Variants in LEF1 observed in about 807,000 individuals in gnomAD.
LEF1 encodes lymphoid enhancer binding factor 1.
LEF1 carries 14 observed loss-of-function variants against 51.2 expected under a neutral mutation model. The ratio of observed to expected loss-of-function variants is 0.27; its 90% confidence interval spans 0.18 to 0.43. The LOEUF (loss-of-function observed/expected upper bound fraction) is 0.43. Among genes scored for constraint, LEF1 ranks in the 20% least tolerant of loss-of-function variants. The probability of loss-of-function intolerance (pLI) is 1.00; values close to 1 mark genes in which losing one functional copy is unlikely to be tolerated. For missense variants in LEF1, 386 were observed against 512.0 expected, an observed-to-expected ratio of 0.75 and a Z score of 2.37; for synonymous variants, 185 against 183.2, an observed-to-expected ratio of 1.01 and a Z score of -0.08.
chr4:108,131,503 T>C (rs1742894465), intron 3 of LEF1, among the ~76,000 whole-genome samples: 1 of 151,792 alleles, frequency 6.6e-6, no homozygotes, highest in Admixed American at 6.6e-5. Flanking sequence ...TCACTGGACA[T>C]AATTTTGGCT....
intron 3 of LEF1, among the ~76,000 whole-genome samples, chr4:108,107,178 T>C (rs1000289568): frequency 6.6e-5 from 10 of 152,202 alleles, no homozygotes; most frequent in Admixed American, 1.3e-4. Context: ...CACGAATATA[T>C]GGACCCATGC....
chr4:108,143,474 T>C (rs1202998133), intron 3 of LEF1, among the ~76,000 whole-genome samples: 1 of 152,228 alleles, frequency 6.6e-6, no homozygotes, highest in African/African-American at 2.4e-5. Context: ...TTAATAAGCT[T>C]ATCACATTTT....
chr4:108,137,556 G>A (rs1743377070), intron 3 of LEF1, among the ~76,000 whole-genome samples: 1 of 152,188 alleles, frequency 6.6e-6, no homozygotes, highest in East Asian at 1.9e-4. Context: ...GAGGCTGTGT[G>A]TGCTGGGGGG....
At chr4:108,119,966 G>T (rs1742059106) in intron 3 of LEF1, among the ~76,000 whole-genome samples, 1 of 151,138 alleles carries the variant, frequency 6.6e-6, no homozygotes, top group South Asian at 2.1e-4. Context: ...ATAGGAAGTT[G>T]TACCATTATA....
At chr4:108,124,870 A>G (rs1742422679) in intron 3 of LEF1, among the ~76,000 whole-genome samples, 1 of 152,046 alleles carries the variant, frequency 6.6e-6, no homozygotes, top group Admixed American at 6.6e-5. Context: ...ATTTTCTAAC[A>G]CTCCTTTCTA....
intron 11 of LEF1, among the ~76,000 whole-genome samples, chr4:108,055,634 A>G (rs1409068234): frequency 6.6e-6 from 1 of 152,216 alleles, no homozygotes; most frequent in African/African-American, 2.4e-5. Context: ...CATTGATCTT[A>G]ATTCCATTTG....
Position 108,080,252 on chromosome 4 carries a change from A to T in LEF1, c.723-638T>A, listed in dbSNP as rs182968372. 2.1e-4 allele frequency among the ~76,000 whole-genome samples: 32 copies of T among 152,284 alleles called. 1 individual carries two copies. Among genetic ancestry groups the T allele is most frequent in the Admixed American group, 2.0e-3 (31 of 15,298 alleles). On this transcript the variant is annotated intron_variant, in intron 6 of 11. Coordinates refer to ENST00000265165, the MANE Select transcript of LEF1 (RefSeq NM_016269.5). ...TTCCCAAGTACGCTTGAACAGCATT[A>T]AAAAAAATCTTAAAATATCCACCAC...
chr4:108,166,923 C>G (rs1267670540), intron 1 of LEF1: 1 of 661,034 alleles, frequency 1.5e-6, no homozygotes, highest in South Asian at 6.8e-5. Context: ...AGCCCAGGCG[C>G]TGGGGCCGCA....
chr4:108,163,503 T>C (rs1482622804), intron 3 of LEF1, 65 bp downstream of exon 3: 24 of 1,546,662 alleles, frequency 1.6e-5, no homozygotes, highest in Non-Finnish European at 2.0e-5. Flanking sequence ...AAAATAAACA[T>C]TCTGCCAAAA....
At chr4:108,080,827 C>T (rs1303995925) in intron 6 of LEF1, among the ~76,000 whole-genome samples, 1 of 152,156 alleles carries the variant, frequency 6.6e-6, no homozygotes, top group Non-Finnish European at 1.5e-5. Context: ...CAGTTAATAA[C>T]CCACCAGTTT....
At chr4:108,135,917 A>G (rs1012667552) in intron 3 of LEF1, among the ~76,000 whole-genome samples, 18 of 152,322 alleles carry the variant, frequency 1.2e-4, no homozygotes, top group Middle Eastern at 3.4e-3. Flanking sequence ...AATCCTGCCC[A>G]AATGTGAACT....
intron 6 of LEF1, among the ~76,000 whole-genome samples, chr4:108,079,930 A>G (rs1739176246): frequency 6.6e-6 from 1 of 152,228 alleles, no homozygotes; most frequent in Non-Finnish European, 1.5e-5. Flanking sequence ...AGCAAAACAC[A>G]TCATGTTTTA....
chr4:108,086,758 C>T (rs73839818), intron 4 of LEF1, among the ~76,000 whole-genome samples: 2,051 of 151,720 alleles, frequency 0.014, 41 homozygotes, highest in African/African-American at 0.047. Flanking sequence ...AAGCGCTTTC[C>T]TTTTGATATT....
At chr4:108,158,151 G>A (rs1049568137) in intron 3 of LEF1, among the ~76,000 whole-genome samples, 2 of 151,764 alleles carry the variant, frequency 1.3e-5, no homozygotes, top group Non-Finnish European at 2.9e-5. Flanking sequence ...AGAGTTTATA[G>A]CAGAGTCCAC....
intron 4 of LEF1, among the ~76,000 whole-genome samples, chr4:108,085,767 C>G (rs1393562228): frequency 1.3e-5 from 2 of 152,188 alleles, no homozygotes; most frequent in African/African-American, 2.4e-5. Context: ...TAACTTACAG[C>G]TCTGAGAAAT....
chr4:108,135,810 C>G, intron 3 of LEF1, among the ~76,000 whole-genome samples: 1 of 152,148 alleles, frequency 6.6e-6, no homozygotes, highest in African/African-American at 2.4e-5. Context: ...TTCAAGCTAA[C>G]CTGCTTGGAG....
chr4:108,155,358 C>T (rs141764881), intron 3 of LEF1, among the ~76,000 whole-genome samples: 2 of 152,322 alleles, frequency 1.3e-5, no homozygotes, highest in East Asian at 3.9e-4. Flanking sequence ...GCTCTCCTAA[C>T]AATCACAAGG....
In LEF1 at chr4:108,128,637, C is replaced by T. The variant is rs1424582939; in HGVS notation, c.414+34931G>A. Among the ~76,000 whole-genome samples the T allele has an allele frequency of 2.0e-5, 3 of 151,904 alleles. No homozygotes were observed. In the East Asian group the frequency reaches 5.8e-4, roughly 29 times the overall value. ...TCTTTTCTAACATGTAAAATATGTT[C>T]ATTTGAGCTAGCAAACAAATACATA... On this transcript the variant is annotated intron_variant, in intron 3 of 11. Coordinates refer to ENST00000265165, the MANE Select transcript of LEF1 (RefSeq NM_016269.5).
At chr4:108,076,118 C>T (rs1327157060) in intron 8 of LEF1, among the ~76,000 whole-genome samples, 1 of 152,208 alleles carries the variant, frequency 6.6e-6, no homozygotes, top group Non-Finnish European at 1.5e-5. Context: ...TTCGTCTCTA[C>T]TTACTCTCAC....
Sources: allele counts gnomAD v4.1 joint callset (sites outside exome capture counted in the v4.1 genomes callset), GRCh38; gene constraint gnomAD v4.1.1; transcripts MANE v1.5; gene names NCBI Gene and HGNC (gene_info 2026-07-23, HGNC 2026-07-21).